FSIP1: variants seen among roughly 807,000 people sequenced by gnomAD.
FSIP1 encodes fibrous sheath-interacting protein 1.
Under a neutral mutation model 60.9 loss-of-function variants are expected in FSIP1, and 65 were observed. That is an observed-to-expected ratio of 1.07 (90% CI 0.87 to 1.31). The LOEUF is 1.31. Ranked by LOEUF, FSIP1 falls within the 40% of genes most tolerant of loss-of-function variation. The pLI is 0.00. For synonymous variants in FSIP1, 209 were observed against 221.2 expected, an observed-to-expected ratio of 0.94 and a Z score of 0.49; for missense variants, 675 against 665.5, an observed-to-expected ratio of 1.01 and a Z score of -0.16.
chr15:39,602,232 G>A, intron 11 of FSIP1: 4 of 433,192 alleles, frequency 9.2e-6, no homozygotes. Context: ...CACAGATGGA[G>A]GGAGGCAATG....
intron 8 of FSIP1, among the ~76,000 whole-genome samples, chr15:39,733,356 C>A (rs983829743): frequency 7.2e-5 from 11 of 152,140 alleles, no homozygotes; most frequent in African/African-American, 2.7e-4. Context: ...TTAAAAATCT[C>A]AAAAGAGAGC....
intron 8 of FSIP1, among the ~76,000 whole-genome samples, chr15:39,733,653 C>T (rs1383605889): frequency 6.6e-6 from 1 of 152,142 alleles, no homozygotes; most frequent in African/African-American, 2.4e-5. Flanking sequence ...TACAGCTTGG[C>T]CGCTGAGATG....
intron 11 of FSIP1, among the ~76,000 whole-genome samples, chr15:39,615,728 C>CAAAAAAAA (rs35259437): frequency 2.5e-5 from 3 of 119,820 alleles, no homozygotes; most frequent in South Asian, 2.7e-4. Flanking sequence ...ACTAAAAATA[C>CAAAAAAAA]AAAAAAAAAA....
At chr15:39,598,934 A>C (rs1200262329), downstream of FSIP1, 5 of 148,986 alleles carry the variant, frequency 3.4e-5, no homozygotes, top group Admixed American at 6.7e-5. Flanking sequence ...TTTTCTTTTT[A>C]TTTTTGAGAT....
Position 39,744,606 on chromosome 15 carries a change from T to C in FSIP1, c.560-2706A>G, listed in dbSNP as rs188775428. Among the ~76,000 whole-genome samples, 710 of 152,180 alleles carry C rather than the reference T, an allele frequency of 4.7e-3. 4 individuals are homozygous for C. Among genetic ancestry groups the C allele is most frequent in the Non-Finnish European group, 7.3e-3 (495 of 67,982 alleles). ...CACAGCAGAGTGAGCTCTGCCTCAC[T>C]GTACACCTGGAACTGAGGGGAGACC... On this transcript the variant is annotated intron_variant, in intron 5 of 11. Transcript: ENST00000350221.
intron 8 of FSIP1, among the ~76,000 whole-genome samples, chr15:39,734,466 T>G (rs539002810): frequency 1.3e-5 from 2 of 152,166 alleles, no homozygotes; most frequent in African/African-American, 4.8e-5. Flanking sequence ...ATGTGTAGTA[T>G]TCTAGAACTA....
chr15:39,692,962 T>G (rs1894664665), intron 10 of FSIP1, among the ~76,000 whole-genome samples: 1 of 152,218 alleles, frequency 6.6e-6, no homozygotes, highest in African/African-American at 2.4e-5. Context: ...GGGGCTGAGT[T>G]GCATGCCCTC....
At chr15:39,683,790 ATAGAAACCAAAAGAAAAAACACACATAT>A (rs1364562730) in intron 10 of FSIP1, among the ~76,000 whole-genome samples, 2 of 152,206 alleles carry the variant, frequency 1.3e-5, no homozygotes, top group Admixed American at 1.3e-4. Flanking sequence ...TCTTGTATAC[ATAGAAACCAAAAGAAAAAACACACATAT>A]TAGAAACCAA....
Position 39,770,429 on chromosome 15 carries a change from G to T in FSIP1, c.308C>A (p.Ser103Ter), listed in dbSNP as rs1423247606. The part of the protein sequence containing the change: ...LVQHQIISEC[S>*]DEPKLKELDS... ...CAATCACCTAGTGATTATCCTACCT[G>T]AACACTCAGAGATTATCTGATGTTG... The change falls in exon 3 of 12, where the codon TCA becomes TAA. Residue 103 changes from serine to a stop codon, truncating the protein, a stop_gained and splice_region_variant. Transcript: ENST00000350221. LOFTEE classifies it high-confidence loss of function. 6.3e-7 allele frequency: 1 copy of T among 1,584,458 alleles called. No individual in the cohort carries two copies. The highest frequency in any genetic ancestry group is 2.3e-5 in the East Asian group (1 of 44,394).
chr15:39,730,712 C>T (rs761884350), intron 8 of FSIP1, among the ~76,000 whole-genome samples: 4 of 152,164 alleles, frequency 2.6e-5, no homozygotes, highest in Non-Finnish European at 4.4e-5. Context: ...AAACAAATGA[C>T]CTAGATTCAG....
chr15:39,662,619 G>C (rs1176824251), intron 10 of FSIP1, among the ~76,000 whole-genome samples: 1 of 151,774 alleles, frequency 6.6e-6, no homozygotes, highest in Admixed American at 6.6e-5. Context: ...CAACAGTACT[G>C]AGAAATCAAA....
At chr15:39,776,164 AGCAGAGGGAGGGGAGGG>A (rs1566923343) in intron 2 of FSIP1, among the ~76,000 whole-genome samples, 1 of 82,978 alleles carries the variant, frequency 1.2e-5, no homozygotes, top group African/African-American at 4.4e-5. Flanking sequence ...GGAGGGGAGG[AGCAGAGGGAGGGGAGGG>A]GCGGAGGGAG....
At chr15:39,682,890 C>G (rs1415381009) in intron 10 of FSIP1, among the ~76,000 whole-genome samples, 1 of 152,130 alleles carries the variant, frequency 6.6e-6, no homozygotes, top group Non-Finnish European at 1.5e-5. Flanking sequence ...TCTTAAAATA[C>G]GATTATTCCC....
chr15:39,779,198 A>C (rs1012573338), intron 1 of FSIP1, among the ~76,000 whole-genome samples: 2 of 152,200 alleles, frequency 1.3e-5, no homozygotes, highest in Non-Finnish European at 2.9e-5. Context: ...TAAAGATTTT[A>C]AACAGAAATG....
chr15:39,681,403 T>C (rs1389959564), intron 10 of FSIP1, among the ~76,000 whole-genome samples: 1 of 152,194 alleles, frequency 6.6e-6, no homozygotes, highest in Non-Finnish European at 1.5e-5. Flanking sequence ...ATTACTTTTA[T>C]CATCTAAAGA....
In FSIP1 at chr15:39,677,440, G is replaced by A. The variant is rs150795726; in HGVS notation, c.1188+36004C>T. Among the ~76,000 whole-genome samples, 579 of 151,940 alleles carry A rather than the reference G, an allele frequency of 3.8e-3. 4 individuals are homozygous for A. Among genetic ancestry groups the A allele is most frequent in the African/African-American group, 0.013 (554 of 41,234 alleles). On this transcript the variant is annotated intron_variant, in intron 10 of 11. Transcript: ENST00000350221. Reference sequence around the variant, plus strand: ...TTATTCCTTGTTGTATCCCAAGGGTGTGATTCAATTCTGGTGCTTAGAAAA... The same window carrying A: ...TTATTCCTTGTTGTATCCCAAGGGTATGATTCAATTCTGGTGCTTAGAAAA...
At chr15:39,635,754 A>G (rs953004083) in intron 10 of FSIP1, among the ~76,000 whole-genome samples, 4 of 152,102 alleles carry the variant, frequency 2.6e-5, no homozygotes, top group Admixed American at 1.3e-4. Context: ...TTAAATACCC[A>G]TCCTGCTGCC....
At chr15:39,628,450 G>A (rs1566858740) in intron 10 of FSIP1, among the ~76,000 whole-genome samples, 1 of 152,202 alleles carries the variant, frequency 6.6e-6, no homozygotes, top group Non-Finnish European at 1.5e-5. Flanking sequence ...GACCAGGCCA[G>A]GGGGCTAAAA....
At chr15:39,640,289 C>T (rs545573653) in intron 10 of FSIP1, among the ~76,000 whole-genome samples, 5 of 152,266 alleles carry the variant, frequency 3.3e-5, no homozygotes, top group Non-Finnish European at 7.4e-5. Flanking sequence ...TCATCTTTAA[C>T]CTATTAGAAT....
Sources: gnomAD v4.1 joint callset for allele counts (sites outside exome capture counted in the v4.1 genomes callset) on GRCh38, gnomAD v4.1.1 for gene constraint, MANE v1.5 for transcripts, NCBI Gene and HGNC (gene_info 2026-07-23, HGNC 2026-07-21) for gene names.